Variants in ASH1L observed in about 807,000 individuals in gnomAD.
ASH1L encodes the protein histone-lysine N-methyltransferase ASH1L.
ASH1L carries 23 observed loss-of-function variants against 269.0 expected under a neutral mutation model. The observed-to-expected ratio is 0.09, with a 90% confidence interval of 0.06 to 0.12. The LOEUF (loss-of-function observed/expected upper bound fraction) is 0.12. Among genes scored for constraint, ASH1L ranks in the 10% least tolerant of loss-of-function variants. The probability of loss-of-function intolerance (pLI) is 1.00; values close to 1 mark genes in which losing one functional copy is unlikely to be tolerated. For synonymous variants in ASH1L, 1,187 were observed against 1,253.5 expected (o/e 0.95, Z 1.12); for missense variants, 2,912 against 3,567.8 (o/e 0.82, Z 4.68).
chr1:155,382,241 G>A (rs545313416), intron 7 of ASH1L, among the ~76,000 whole-genome samples: 1 of 152,044 alleles, frequency 6.6e-6, no homozygotes, highest in Non-Finnish European at 1.5e-5. Flanking sequence ...GCTCACGCCT[G>A]TAATCCCAGC....
chr1:155,510,179 G>C (rs1668073111), intron 2 of ASH1L, among the ~76,000 whole-genome samples: 1 of 151,988 alleles, frequency 6.6e-6, no homozygotes, highest in Non-Finnish European at 1.5e-5. Context: ...ACTTTGAGAG[G>C]CTGAGGCGGA....
intron 2 of ASH1L, among the ~76,000 whole-genome samples, chr1:155,516,916 C>T (rs1036145232): frequency 1.3e-5 from 2 of 151,978 alleles, no homozygotes; most frequent in African/African-American, 4.8e-5. Flanking sequence ...GGCTTGAACA[C>T]CACAAATTTT....
intron 1 of ASH1L, among the ~76,000 whole-genome samples, chr1:155,559,957 T>C (rs189589739): frequency 6.6e-6 from 1 of 152,328 alleles, no homozygotes. Context: ...CCATAGATAC[T>C]TGTGCTATAT....
chr1:155,475,102 ACTC>A (rs1288094696), intron 3 of ASH1L, among the ~76,000 whole-genome samples: 2 of 150,340 alleles, frequency 1.3e-5, no homozygotes, highest in East Asian at 1.9e-4. Context: ...CAATATCTAA[ACTC>A]CTTCCCAACT....
chr1:155,532,853 A>G (rs1203043921), intron 1 of ASH1L, among the ~76,000 whole-genome samples: 2 of 149,088 alleles, frequency 1.3e-5, no homozygotes, highest in Admixed American at 6.7e-5. Flanking sequence ...ATATATATAT[A>G]TGCACACATA....
At chr1:155,503,639 C>T (rs1453618443) in intron 2 of ASH1L, among the ~76,000 whole-genome samples, 1 of 152,140 alleles carries the variant, frequency 6.6e-6, no homozygotes, top group Non-Finnish European at 1.5e-5. Context: ...TATGCATAAT[C>T]CAGATTATAG....
intron 10 of ASH1L, among the ~76,000 whole-genome samples, chr1:155,375,618 C>G (rs1215746011): frequency 2.0e-5 from 3 of 152,094 alleles, no homozygotes; most frequent in African/African-American, 7.2e-5. Context: ...AAAACCCTGT[C>G]TCTACTAAAA....
At chr1:155,375,810 A>AT (rs1235423702) in intron 10 of ASH1L, among the ~76,000 whole-genome samples, 1 of 148,456 alleles carries the variant, frequency 6.7e-6, no homozygotes, top group Non-Finnish European at 1.5e-5. Flanking sequence ...AAAAAAAAAA[A>AT]GAAAAATGAG....
At chr1:155,461,127 T>C (rs899771847) in intron 3 of ASH1L, among the ~76,000 whole-genome samples, 1 of 152,136 alleles carries the variant, frequency 6.6e-6, no homozygotes, top group African/African-American at 2.4e-5. Context: ...AAGTTGAAGA[T>C]TTTCAAGATC....
chr1:155,496,709 G>A (rs1289122226), intron 2 of ASH1L, among the ~76,000 whole-genome samples: 2 of 152,152 alleles, frequency 1.3e-5, no homozygotes, highest in Admixed American at 1.3e-4. Flanking sequence ...CAAGAACGTG[G>A]CTCATTGTAG....
At chr1:155,458,305 CTAGAGA>C (rs960969749) in intron 4 of ASH1L, among the ~76,000 whole-genome samples, 1 of 152,200 alleles carries the variant, frequency 6.6e-6, no homozygotes, top group African/African-American at 2.4e-5. Flanking sequence ...CTTCAAAGAC[CTAGAGA>C]TAGAAAGGCA....
chr1:155,341,446 G>T (rs1652807400), intron 25 of ASH1L, among the ~76,000 whole-genome samples: 1 of 152,144 alleles, frequency 6.6e-6, no homozygotes, highest in African/African-American at 2.4e-5. Context: ...AAAGTGCTGG[G>T]ATTACAGGCG....
At chr1:155,532,325 C>T (rs902639483) in intron 1 of ASH1L, among the ~76,000 whole-genome samples, 2 of 152,076 alleles carry the variant, frequency 1.3e-5, no homozygotes, top group East Asian at 1.9e-4. Flanking sequence ...AAGGAAATTA[C>T]TAATTATATT....
At chr1:155,422,274 T>C (rs901295377) in intron 5 of ASH1L, among the ~76,000 whole-genome samples, 1 of 150,424 alleles carries the variant, frequency 6.6e-6, no homozygotes, top group Non-Finnish European at 1.5e-5. Context: ...GTAGCTGGGA[T>C]TACAGGGTCA....
rs576561652 is a variant in ASH1L, at chr1:155,501,732, G to A, written c.421-19283C>T. Among the ~76,000 whole-genome samples, 7 of 151,722 alleles carry A rather than the reference G, an allele frequency of 4.6e-5. No homozygotes were observed. In the South Asian group the frequency reaches 6.2e-4, roughly 14 times the overall value. ...GGCTGAAGCGCAGTGGCGCAATCTC[G>A]GCTCACTGCAACCTCCACCTCCCGG... On this transcript the variant is annotated intron_variant, in intron 2 of 27. Coordinates refer to ENST00000392403, the MANE Select transcript of ASH1L (RefSeq NM_018489.3).
In ASH1L at chr1:155,378,340, A is replaced by G. The variant is rs1478506165; in HGVS notation, c.6273T>C (p.Cys2091=). 6.2e-7 allele frequency: 1 copy of G among 1,614,086 alleles called. No homozygotes were observed. The highest frequency in any genetic ancestry group is 1.3e-5 in the African/African-American group (1 of 74,936). The change falls in exon 10 of 28, where the codon TGT becomes TGC. Residue 2091 remains cysteine (C), a synonymous_variant. Coordinates refer to ENST00000392403, the MANE Select transcript of ASH1L (RefSeq NM_018489.3). The part of the protein sequence containing the change: ...KPLSGYEATT[C]NCKKPDDDTR... ...TGTCATCATCTGGCTTCTTACAGTTACAGGTGGTAGCTTCGTAACCAGAAA... is the reference window on the plus strand; with the variant it reads ...TGTCATCATCTGGCTTCTTACAGTTGCAGGTGGTAGCTTCGTAACCAGAAA...
rs761531673 is a variant in ASH1L, at chr1:155,482,296, T to C, written c.574A>G (p.Thr192Ala). The C allele has an allele frequency of 6.8e-6, 11 of 1,614,034 alleles. No homozygotes were observed. Among genetic ancestry groups the C allele is most frequent in the Admixed American group, 6.7e-5 (4 of 60,000 alleles). ...CGGCTACCAAGAAGAGTAGATGGCG[T>C]TGCATTAATATAATCTGCCATTTCT... Reference protein sequence around the residue: ...HSEMADYINATPSTLLGSRDP... With the variant: ...HSEMADYINAAPSTLLGSRDP... The change falls in exon 3 of 28, where the codon ACG (threonine) becomes GCG (alanine). Residue 192 changes from threonine to alanine, a missense_variant. Transcript: ENST00000392403.
intron 2 of ASH1L, among the ~76,000 whole-genome samples, chr1:155,504,022 C>T (rs1265341374): frequency 6.6e-6 from 1 of 152,168 alleles, no homozygotes; most frequent in Non-Finnish European, 1.5e-5. Flanking sequence ...CATGTCCAGC[C>T]CATAACTCTT....
intron 1 of ASH1L, among the ~76,000 whole-genome samples, chr1:155,559,598 A>G (rs1205490549): frequency 6.6e-6 from 1 of 152,046 alleles, no homozygotes; most frequent in Non-Finnish European, 1.5e-5. Flanking sequence ...AAAGCTGCAT[A>G]CAGAGTATAA....
Sources: allele counts gnomAD v4.1 joint callset (sites outside exome capture counted in the v4.1 genomes callset), GRCh38; gene constraint gnomAD v4.1.1; transcripts MANE v1.5; gene names NCBI Gene and HGNC (gene_info 2026-07-23, HGNC 2026-07-21).